CFAP299: variants seen among roughly 807,000 people sequenced by gnomAD.
The protein encoded by CFAP299 is cilia and flagella associated protein 299, also known as cilia- and flagella-associated protein 299.
In CFAP299, 21 loss-of-function variants were observed where a neutral mutation model predicts 27.0. That is an observed-to-expected ratio of 0.78 (90% CI 0.55 to 1.12). The LOEUF (loss-of-function observed/expected upper bound fraction) is 1.12, where lower values mean the gene tolerates loss of function less well. Ranked by LOEUF, CFAP299 falls within the 50% of genes most tolerant of loss-of-function variation. The pLI, the probability that CFAP299 is intolerant of heterozygous loss-of-function variation, is 0.00. For missense variants in CFAP299, 310 were observed against 276.6 expected, an observed-to-expected ratio of 1.12 and a Z score of -0.86; for synonymous variants, 104 against 98.1, an observed-to-expected ratio of 1.06 and a Z score of -0.36.
At chr4:80,854,470 A>T (rs1731709003) in intron 3 of CFAP299, among the ~76,000 whole-genome samples, 1 of 151,996 alleles carries the variant, frequency 6.6e-6, no homozygotes, top group Non-Finnish European at 1.5e-5. Context: ...CAATTATTTG[A>T]AAGTAACATG....
intron 3 of CFAP299, among the ~76,000 whole-genome samples, chr4:80,703,063 A>C (rs1328854843): frequency 6.6e-6 from 1 of 151,716 alleles, no homozygotes; most frequent in Non-Finnish European, 1.5e-5. Context: ...GGGAATCTTG[A>C]CTTGCTCCTT....
At chr4:80,929,419 A>G (rs1292881670) in intron 4 of CFAP299, among the ~76,000 whole-genome samples, 1 of 149,380 alleles carries the variant, frequency 6.7e-6, no homozygotes, top group Non-Finnish European at 1.5e-5. Context: ...CTATCCATCC[A>G]GTCTCTATGG....
chr4:80,838,122 T>C (rs1420201597), intron 3 of CFAP299, among the ~76,000 whole-genome samples: 1 of 152,210 alleles, frequency 6.6e-6, no homozygotes, highest in Non-Finnish European at 1.5e-5. Flanking sequence ...TTGTTTTTTC[T>C]TGTAAATTTG....
At chr4:80,361,495 T>C (rs1723546983) in intron 1 of CFAP299, among the ~76,000 whole-genome samples, 1 of 152,182 alleles carries the variant, frequency 6.6e-6, no homozygotes, top group Admixed American at 6.5e-5. Flanking sequence ...CTATTAAAGA[T>C]TAATTCCACT....
At chr4:80,591,117 T>TA (rs1560642977) in intron 3 of CFAP299, among the ~76,000 whole-genome samples, 21 of 143,434 alleles carry the variant, frequency 1.5e-4, no homozygotes, top group East Asian at 1.2e-3. Flanking sequence ...TTTTTTTTTT[T>TA]TTTTTTTTTT....
intron 4 of CFAP299, among the ~76,000 whole-genome samples, chr4:80,875,134 T>C (rs1361319276): frequency 6.6e-6 from 1 of 152,148 alleles, no homozygotes. Context: ...CTGGTCTACT[T>C]GTCCCCAACC....
intron 2 of CFAP299, among the ~76,000 whole-genome samples, chr4:80,433,870 A>T (rs905911907): frequency 7.2e-5 from 11 of 152,194 alleles, no homozygotes; most frequent in South Asian, 2.1e-4. Context: ...AACCAGTATC[A>T]TCAGGTAAAA....
At chr4:80,800,331 A>G (rs1728380912) in intron 3 of CFAP299, among the ~76,000 whole-genome samples, 1 of 68,900 alleles carries the variant, frequency 1.5e-5, no homozygotes, top group African/African-American at 6.4e-5. Flanking sequence ...CATTAATATT[A>G]ATATATATAA....
intron 2 of CFAP299, among the ~76,000 whole-genome samples, chr4:80,415,662 A>G (rs1726965166): frequency 6.6e-6 from 1 of 152,160 alleles, no homozygotes; most frequent in South Asian, 2.1e-4. Flanking sequence ...TTATAATTTC[A>G]TCAATAGATA....
At chr4:80,343,692 G>A (rs12644207) in intron 1 of CFAP299, among the ~76,000 whole-genome samples, 80 of 151,646 alleles carry the variant, frequency 5.3e-4, no homozygotes, top group African/African-American at 1.8e-3. Flanking sequence ...GGGAGGCTGA[G>A]GCAGGAGAAT....
chr4:80,654,692 C>T (rs551350314), intron 3 of CFAP299, among the ~76,000 whole-genome samples: 68 of 151,902 alleles, frequency 4.5e-4, no homozygotes, highest in Non-Finnish European at 7.4e-4. Context: ...TAGCTTACTG[C>T]AATCTCCTGG....
intron 2 of CFAP299, among the ~76,000 whole-genome samples, chr4:80,373,222 T>A (rs577181294): frequency 6.6e-6 from 1 of 152,110 alleles, no homozygotes; most frequent in Non-Finnish European, 1.5e-5. Context: ...CTGACCCCCA[T>A]AAGCTTCCAC....
intron 2 of CFAP299, among the ~76,000 whole-genome samples, chr4:80,571,810 C>T (rs1345666249): frequency 3.9e-5 from 6 of 152,056 alleles, no homozygotes; most frequent in African/African-American, 1.4e-4. Flanking sequence ...AGAAAGAGGG[C>T]CTGTACCAGA....
Position 80,481,714 on chromosome 4 carries a change from A to G in CFAP299, c.243-101379A>G, listed in dbSNP as rs145576397. Among the ~76,000 whole-genome samples, 444 of 152,212 alleles carry G rather than the reference A, an allele frequency of 2.9e-3. 4 individuals carry two copies. Among genetic ancestry groups the G allele is most frequent in the African/African-American group, 0.01 (428 of 41,570 alleles). On this transcript the variant is annotated intron_variant, in intron 2 of 5. Coordinates refer to ENST00000358105, the MANE Select transcript of CFAP299 (RefSeq NM_152770.3). ...TAAAAATTACATACTAATTAGAGGC[A>G]GAGCTGGGGCTAAAAGTCAGCTATC...
chr4:80,761,243 G>A (rs1458414646), intron 3 of CFAP299, among the ~76,000 whole-genome samples: 3 of 151,850 alleles, frequency 2.0e-5, no homozygotes, highest in East Asian at 1.9e-4. Flanking sequence ...AATTTGTCTA[G>A]AAGTATAACA....
At chr4:80,887,788 A>G (rs967637164) in intron 4 of CFAP299, among the ~76,000 whole-genome samples, 2 of 152,128 alleles carry the variant, frequency 1.3e-5, no homozygotes, top group African/African-American at 4.8e-5. Context: ...ACATAGTGCA[A>G]TAAGACATAA....
chr4:80,569,029 G>A (rs1445106506), intron 2 of CFAP299, among the ~76,000 whole-genome samples: 1 of 152,078 alleles, frequency 6.6e-6, no homozygotes, highest in Non-Finnish European at 1.5e-5. Context: ...CTATCAGGTA[G>A]CCAGCCAGCT....
chr4:80,794,885 G>C (rs996967966), intron 3 of CFAP299, among the ~76,000 whole-genome samples: 8 of 152,282 alleles, frequency 5.3e-5, no homozygotes, highest in Admixed American at 4.6e-4. Context: ...CCATATTGAG[G>C]GCTCAGTGTT....
chr4:80,938,392 AT>A (rs988767066), intron 4 of CFAP299, among the ~76,000 whole-genome samples: 62 of 152,364 alleles, frequency 4.1e-4, no homozygotes, highest in African/African-American at 1.2e-3. Flanking sequence ...ACCACTAACA[AT>A]AGCATGAGCC....
Sources: allele counts gnomAD v4.1 joint callset (sites outside exome capture counted in the v4.1 genomes callset), GRCh38; gene constraint gnomAD v4.1.1; transcripts MANE v1.5; gene names NCBI Gene and HGNC (gene_info 2026-07-23, HGNC 2026-07-21).